SCNN1D: variants seen among roughly 807,000 people sequenced by gnomAD.
SCNN1D encodes the protein epithelial sodium channel subunit delta.
A neutral mutation model predicts 87.8 loss-of-function variants in SCNN1D; 104 were observed. The observed-to-expected ratio is 1.18, with a 90% CI of 1.01 to 1.39. The LOEUF is 1.39. Among genes scored for constraint, SCNN1D ranks in the 40% most tolerant of loss-of-function variants. The probability of loss-of-function intolerance (pLI) is 0.00; values close to 1 mark genes in which losing one functional copy is unlikely to be tolerated. For missense variants in SCNN1D, 1,324 were observed against 1,093.9 expected (o/e 1.21, Z -2.97); for synonymous variants, 628 against 481.2 (o/e 1.31, Z -3.99).
At position 1,290,396 on chromosome 1, in the gene SCNN1D, C is replaced by T. The variant is rs921632778; in HGVS notation, c.1780+8C>T. On this transcript the variant is annotated splice_region_variant and intron_variant, in intron 13 of 17. Transcript: ENST00000379116. ...CCCGGCACCCTGCCTGGGGTGAGTCCTGCTCGCTGCCTCCCACTCTGTCAG... is the reference window on the plus strand; with the variant it reads ...CCCGGCACCCTGCCTGGGGTGAGTCTTGCTCGCTGCCTCCCACTCTGTCAG... 2 of 1,606,482 alleles carry T rather than the reference C, an allele frequency of 1.2e-6. No individual in the cohort carries two copies. The highest frequency in any genetic ancestry group is 2.2e-5 in the East Asian group (1 of 44,798).
chr1:1,291,618 C>A lies in SCNN1D; in HGVS notation c.*8C>A. The A allele has an allele frequency of 6.6e-7, 1 of 1,505,142 alleles. No homozygotes were observed. Among genetic ancestry groups the A allele is most frequent in the Non-Finnish European group, 8.9e-7 (1 of 1,122,534 alleles). 93.2% of individuals were successfully genotyped at this position (1,505,142 alleles called of 1,614,324 possible). A position where few individuals can be genotyped will look rare whatever the true frequency, so the allele number is the denominator to read the frequency against. ...GAGACTCTGGACACCTGAACCAGACCTGCCAGGGCTGTGCGATCTCTTGGC... is the reference window on the plus strand; with the variant it reads ...GAGACTCTGGACACCTGAACCAGACATGCCAGGGCTGTGCGATCTCTTGGC... On this transcript the variant is annotated 3_prime_UTR_variant, in exon 18 of 18. Transcript: ENST00000379116.
Position 1,280,672 on chromosome 1 carries a change from TC to T in SCNN1D, c.5+8del. On this transcript the variant is annotated splice_region_variant and intron_variant, in intron 1 of 17. Coordinates refer to ENST00000379116, the MANE Select transcript of SCNN1D (RefSeq NM_001130413.4). Reference sequence around the variant, plus strand: ...CAGCAGGGAGGAGGCATGAGGTGCGTCCGACTCCCTTCCCATCACAGCTGAG... The same window carrying T: ...CAGCAGGGAGGAGGCATGAGGTGCGTCGACTCCCTTCCCATCACAGCTGAG... 1 of 701,704 alleles carries T rather than the reference TC, an allele frequency of 1.4e-6. No homozygotes were observed. The highest frequency in any genetic ancestry group is 1.5e-5 in the South Asian group (1 of 67,560). The allele number at this position is 701,704 out of a possible 1,614,324, so 43.5% of individuals were successfully genotyped here. A position where few individuals can be genotyped will look rare whatever the true frequency, so the allele number is the denominator to read the frequency against.
rs1292135423 is a variant in SCNN1D, at chr1:1,285,718, C to CA, written c.558+57dup. ...TCCTGCTGCCCCAGCAGCCCAAACTCAAACTCAGCTCCAAGGCTACACTGA... is the reference window on the plus strand; with the variant it reads ...TCCTGCTGCCCCAGCAGCCCAAACTCAAAACTCAGCTCCAAGGCTACACTGA... On this transcript the variant is annotated intron_variant, in intron 6 of 17. Coordinates refer to ENST00000379116, the MANE Select transcript of SCNN1D (RefSeq NM_001130413.4). The CA allele has an allele frequency of 5.0e-6, 7 of 1,397,138 alleles. No homozygotes were observed. In the Admixed American group the frequency reaches 1.5e-4, roughly 29 times the overall value. The allele number at this position is 1,397,138 out of a possible 1,614,324, so 86.5% of individuals were successfully genotyped here. A position where few individuals can be genotyped will look rare whatever the true frequency, so the allele number is the denominator to read the frequency against.
chr1:1,284,673 G>A (rs530369997), intron 5 of SCNN1D, among the ~76,000 whole-genome samples: 19 of 152,144 alleles, frequency 1.2e-4, no homozygotes, highest in Non-Finnish European at 1.6e-4. Flanking sequence ...GGTGCATAGC[G>A]TGTGCTGGAC....
Position 1,280,602 on chromosome 1 carries a change from A to G in SCNN1D, c.-60A>G. 1.4e-6 allele frequency: 1 copy of G among 694,664 alleles called. No homozygotes were observed. The allele number at this position is 694,664 out of a possible 1,614,324, so 43.0% of individuals were successfully genotyped here. ...AGAGAATCAACTATAAATGCTTCTC[A>G]TCAGACTCAAGGCCTGAGGTGATGC... On this transcript the variant is annotated 5_prime_UTR_variant, in exon 1 of 18. Coordinates refer to ENST00000379116, the MANE Select transcript of SCNN1D (RefSeq NM_001130413.4).
At position 1,280,518 on chromosome 1, in the gene SCNN1D, A is replaced by T; in HGVS notation, c.-144A>T. 1 of 613,342 alleles carries T rather than the reference A, an allele frequency of 1.6e-6. No individual in the cohort carries two copies. Among genetic ancestry groups the T allele is most frequent in the Non-Finnish European group, 3.0e-6 (1 of 333,056 alleles). 38.0% of individuals were successfully genotyped at this position (613,342 alleles called of 1,614,324 possible). A position where few individuals can be genotyped will look rare whatever the true frequency, so the allele number is the denominator to read the frequency against. On this transcript the variant is annotated 5_prime_UTR_variant, in exon 1 of 18. An upstream start codon of the reference 5' UTR is lost. Transcript: ENST00000379116. Reference sequence around the variant, plus strand: ...GTAGAAGGGAATGTCTGGTTACAGTATGGCGTTGTGCAGATGAAGGTCTTA... The same window carrying T: ...GTAGAAGGGAATGTCTGGTTACAGTTTGGCGTTGTGCAGATGAAGGTCTTA...
In SCNN1D at chr1:1,290,390, T is replaced by A. The variant is rs770300977; in HGVS notation, c.1780+2T>A. ...GCTCTGCCCGGCACCCTGCCTGGGG[T>A]GAGTCCTGCTCGCTGCCTCCCACTC... is the stretch of plus-strand genomic sequence containing the variant. On this transcript the variant is annotated splice_donor_variant, in intron 13 of 17. Transcript: ENST00000379116. LOFTEE classifies it high-confidence loss of function. 6.2e-7 allele frequency: 1 copy of A among 1,604,624 alleles called. No homozygotes were observed. The highest frequency in any genetic ancestry group is 8.5e-7 in the Non-Finnish European group (1 of 1,174,732).
At position 1,285,920 on chromosome 1, in the gene SCNN1D, A is replaced by C; in HGVS notation, c.559-6A>C. 1 of 1,543,260 alleles carries C rather than the reference A, an allele frequency of 6.5e-7. No homozygotes were observed. Among genetic ancestry groups the C allele is most frequent in the Non-Finnish European group, 8.7e-7 (1 of 1,143,366 alleles). ...CCGGGCCCTGCTGAGGCCACTCTGCACACAGGCTGCAGCCCAGACGCCCCC... is the reference window on the plus strand; with the variant it reads ...CCGGGCCCTGCTGAGGCCACTCTGCCCACAGGCTGCAGCCCAGACGCCCCC... On this transcript the variant is annotated splice_polypyrimidine_tract_variant and splice_region_variant and intron_variant, in intron 6 of 17. Transcript: ENST00000379116.
chr1:1,290,168 G>T (rs553882917), intron 12 of SCNN1D, 103 bp from the exon 13 acceptor site: 1 of 538,996 alleles, frequency 1.9e-6, no homozygotes, highest in Non-Finnish European at 2.9e-6. Context: ...GCTCCGTCCC[G>T]TGTCCCTGCT....
rs1359255650 is a variant in SCNN1D at position 1,284,560 on chromosome 1, CGTGTGCTGG to C, written c.464+471_464+479del. On this transcript the variant is annotated intron_variant, in intron 5 of 17. Coordinates refer to ENST00000379116, the MANE Select transcript of SCNN1D (RefSeq NM_001130413.4). ...GTGCTGGACCACGGGGGGTGCACAG[CGTGTGCTGG>C]ACCACGGGGGGTGCCGAGCGTGTGC... 4.9e-5 allele frequency among the ~76,000 whole-genome samples: 7 copies of C among 143,212 alleles called. No homozygotes were observed. The South Asian group carries it at 6.7e-4, about 14-fold the overall frequency. 94.0% of individuals were successfully genotyped at this position (143,212 alleles called of 152,430 possible).
chr1:1,288,547 TCCCCCGTGTCTCTGCTCCGTCC>T (rs1640685043), intron 12 of SCNN1D, among the ~76,000 whole-genome samples: 6 of 6,378 alleles, frequency 9.4e-4, no homozygotes, highest in East Asian at 8.8e-3. Context: ...CTCTGCTCCG[TCCCCCGTGTCTCTGCTCCGTCC>T]CCCGTGTCTC....
At chr1:1,285,850 A>G in intron 6 of SCNN1D, 76 bp from the exon 7 acceptor site, 5 of 1,413,222 alleles carry the variant, frequency 3.5e-6, no homozygotes, top group Non-Finnish European at 4.8e-6. Context: ...CTGGTGGCTG[A>G]CAGACATGAC....
chr1:1,284,345 G>C (rs1297833336), intron 5 of SCNN1D, among the ~76,000 whole-genome samples: 1 of 121,896 alleles, frequency 8.2e-6, no homozygotes, highest in African/African-American at 3.1e-5. Flanking sequence ...TGGCGGGGGG[G>C]CTCCCACCTT....
At position 1,291,763 on chromosome 1, in the gene SCNN1D, C is replaced by T. The variant is rs763172767; in HGVS notation, c.*153C>T. On this transcript the variant is annotated 3_prime_UTR_variant, in exon 18 of 18. Transcript: ENST00000379116. ...GCAGGCACCGGGCATGTCGGCGCCT[C>T]TGGTCAAACCACCTACACTGCCTGG... The T allele has an allele frequency of 3.6e-6, 2 of 552,320 alleles. No homozygotes were observed. The highest frequency in any genetic ancestry group is 6.1e-6 in the Non-Finnish European group (2 of 327,240). The allele number at this position is 552,320 out of a possible 1,614,324, so 34.2% of individuals were successfully genotyped here.
At chr1:1,287,890 C>A in intron 11 of SCNN1D, 49 bp from the exon 12 acceptor site, 1 of 1,519,368 alleles carries the variant, frequency 6.6e-7, no homozygotes, top group Non-Finnish European at 8.9e-7. Flanking sequence ...CCAACCTGGG[C>A]TTTGGGGGGT....
At chr1:1,287,891 T>C in intron 11 of SCNN1D, 48 bp from the exon 12 acceptor site, 1 of 1,519,478 alleles carries the variant, frequency 6.6e-7, no homozygotes, top group Non-Finnish European at 8.9e-7. Flanking sequence ...CAACCTGGGC[T>C]TTGGGGGGTG....
At chr1:1,290,987 C>T (rs1337674689) in intron 16 of SCNN1D, 34 bp downstream of exon 16, 2 of 1,591,648 alleles carry the variant, frequency 1.3e-6, no homozygotes, top group South Asian at 1.1e-5. Flanking sequence ...AGAGGCATCA[C>T]AGCCCCTCTC....
intron 12 of SCNN1D, among the ~76,000 whole-genome samples, 180 bp downstream of exon 12, chr1:1,288,217 C>CA (rs1557584144): frequency 9.1e-5 from 13 of 143,306 alleles, no homozygotes; most frequent in African/African-American, 3.4e-4. Context: ...GTCTCTGCTC[C>CA]GTCCCGTGTC....
At chr1:1,285,751 C>A (rs985061243) in intron 6 of SCNN1D, 87 bp downstream of exon 6, 1 of 1,256,316 alleles carries the variant, frequency 8.0e-7, no homozygotes, top group South Asian at 1.5e-5. Flanking sequence ...TGAGACGTGT[C>A]AGGGACGGGT....
Sources: allele counts gnomAD v4.1 joint callset (sites outside exome capture counted in the v4.1 genomes callset), GRCh38; gene constraint gnomAD v4.1.1; transcripts MANE v1.5; gene names NCBI Gene and HGNC (gene_info 2026-07-23, HGNC 2026-07-21).